MED27: variants seen among roughly 807,000 people sequenced by gnomAD.
The protein encoded by MED27 is mediator complex subunit 27.
Under a neutral mutation model 38.2 loss-of-function variants are expected in MED27, and 30 were observed. The observed-to-expected ratio is 0.79, with a 90% confidence interval of 0.59 to 1.07. MED27 has a LOEUF of 1.07. MED27 is among the 50% of genes least tolerant of loss of function. The pLI is 0.00. For missense variants in MED27, 289 were observed against 397.5 expected, an observed-to-expected ratio of 0.73 and a Z score of 2.32; for synonymous variants, 122 against 153.5, an observed-to-expected ratio of 0.79 and a Z score of 1.52.
At chr9:132,014,200 A>G (rs1051821562) in intron 3 of MED27, 137 bp downstream of exon 3, 2 of 977,076 alleles carry the variant, frequency 2.0e-6, no homozygotes, top group African/African-American at 1.7e-5. Context: ...CAGGGTGAAA[A>G]AGTAAGACTC....
At chr9:131,981,782 G>A (rs1200105633) in intron 3 of MED27, among the ~76,000 whole-genome samples, 2 of 152,174 alleles carry the variant, frequency 1.3e-5, no homozygotes, top group East Asian at 1.9e-4. Context: ...AGGGAGAGGG[G>A]GCACACGGCG....
chr9:131,893,305 G>A (rs567633810), intron 5 of MED27, among the ~76,000 whole-genome samples: 1 of 152,258 alleles, frequency 6.6e-6, no homozygotes, highest in Admixed American at 6.5e-5. Context: ...ATCCTCTGAT[G>A]CTCTCTGTGG....
At position 131,997,959 on chromosome 9, in the gene MED27, G is replaced by T. The variant is rs904761203; in HGVS notation, c.479+16378C>A. Among the ~76,000 whole-genome samples, 2 of 152,132 alleles carry T rather than the reference G, an allele frequency of 1.3e-5. No homozygotes were observed. The highest frequency in any genetic ancestry group is 2.4e-5 in the African/African-American group (1 of 41,422). On this transcript the variant is annotated intron_variant, in intron 3 of 7. Transcript: ENST00000292035. This position sits in a 1 kb window ranked among gnomAD's most constrained non-coding sequence, Gnocchi z 4.0. ...TTGAACTCTGAGTCTATAAATCTGG[G>T]CTCATTTGTAGAACAGAAATATCTG... is the stretch of plus-strand genomic sequence containing the variant.
chr9:131,983,655 C>T (rs1011811974), intron 3 of MED27, among the ~76,000 whole-genome samples: 2 of 152,120 alleles, frequency 1.3e-5, no homozygotes, highest in African/African-American at 4.8e-5. Flanking sequence ...TTGAGACAAC[C>T]TTTCATTTTC....
rs762485089 is a variant in MED27, at chr9:131,997,439, A to C, written c.479+16898T>G. 2.6e-5 allele frequency among the ~76,000 whole-genome samples: 4 copies of C among 152,186 alleles called. No homozygotes were observed. The highest frequency in any genetic ancestry group is 4.4e-5 in the Non-Finnish European group (3 of 68,026). On this transcript the variant is annotated intron_variant, in intron 3 of 7. Coordinates refer to ENST00000292035, the MANE Select transcript of MED27 (RefSeq NM_004269.4). The surrounding 1 kb of genome is among the most constrained non-coding windows in gnomAD (Gnocchi z 4.0). ...CCTGCATATGGTGACTGAGTGAGGC[A>C]GGGGTACAAAGGCCCAGACTTTTGG...
intron 3 of MED27, among the ~76,000 whole-genome samples, chr9:131,953,616 TA>T (rs1831039708): frequency 6.6e-6 from 1 of 151,992 alleles, no homozygotes; most frequent in Admixed American, 6.5e-5. Context: ...TTAAGAATAT[TA>T]AAAATACTAT....
At chr9:132,009,508 T>C (rs923991705) in intron 3 of MED27, among the ~76,000 whole-genome samples, 2 of 152,116 alleles carry the variant, frequency 1.3e-5, no homozygotes, top group South Asian at 2.1e-4. Flanking sequence ...CCAGAAGCCA[T>C]GTCATGAGGA....
rs1194274797 is a variant in MED27 at position 131,907,766 on chromosome 9, A to C, written c.574-13774T>G. 2.7e-5 allele frequency among the ~76,000 whole-genome samples: 4 copies of C among 146,616 alleles called. 1 individual carries two copies. Among genetic ancestry groups the C allele is most frequent in the Non-Finnish European group, 5.9e-5 (4 of 67,246 alleles). ...CTGCCCGGCCGCCATCCCATCTAGGAATTGAGGAGCGCCTCTTCCCGGCCG... is the reference window on the plus strand; with the variant it reads ...CTGCCCGGCCGCCATCCCATCTAGGCATTGAGGAGCGCCTCTTCCCGGCCG... On this transcript the variant is annotated intron_variant, in intron 4 of 7. Transcript: ENST00000292035.
chr9:131,897,952 C>T (rs1214146630), intron 4 of MED27, among the ~76,000 whole-genome samples: 1 of 152,108 alleles, frequency 6.6e-6, no homozygotes, highest in East Asian at 1.9e-4. Flanking sequence ...CCCCATGTCC[C>T]CATTTTATGT....
chr9:131,870,374 C>G (rs1156278871), intron 6 of MED27, among the ~76,000 whole-genome samples: 2 of 152,308 alleles, frequency 1.3e-5, no homozygotes, highest in South Asian at 4.1e-4. Context: ...ATACAGACCT[C>G]AAGTGTACGA....
rs1838651863 is a variant in MED27, at chr9:131,861,543, T to C, written c.802-871A>G. Among the ~76,000 whole-genome samples, 1 of 152,212 alleles carries C rather than the reference T, an allele frequency of 6.6e-6. No individual in the cohort carries two copies. The highest frequency in any genetic ancestry group is 2.1e-4 in the South Asian group (1 of 4,834). Reference sequence around the variant, plus strand: ...GTGACAGGGCATGGCCCATCAGTACTGTCCCCCTTTCCAAAGGCCAGGTGT... The same window carrying C: ...GTGACAGGGCATGGCCCATCAGTACCGTCCCCCTTTCCAAAGGCCAGGTGT... On this transcript the variant is annotated intron_variant, in intron 7 of 7. Coordinates refer to ENST00000292035, the MANE Select transcript of MED27 (RefSeq NM_004269.4). This position sits in a 1 kb window ranked among gnomAD's most constrained non-coding sequence, Gnocchi z 4.4.
In MED27 at chr9:131,889,967, C is replaced by T. The variant is rs1839202159; in HGVS notation, c.681+3918G>A. ...GGAGCAGCGACGTCTCCAGCAACAACGTGCTCTTGTAGAACACATGTCAGG... is the reference window on the plus strand; with the variant it reads ...GGAGCAGCGACGTCTCCAGCAACAATGTGCTCTTGTAGAACACATGTCAGG... On this transcript the variant is annotated intron_variant, in intron 5 of 7. Coordinates refer to ENST00000292035, the MANE Select transcript of MED27 (RefSeq NM_004269.4). This position sits in a 1 kb window ranked among gnomAD's most constrained non-coding sequence, Gnocchi z 4.2. 6.6e-6 allele frequency among the ~76,000 whole-genome samples: 1 copy of T among 152,192 alleles called. No individual in the cohort carries two copies. The highest frequency in any genetic ancestry group is 2.1e-4 in the South Asian group (1 of 4,834).
intron 2 of MED27, among the ~76,000 whole-genome samples, chr9:132,057,585 C>G (rs1389410025): frequency 6.6e-6 from 1 of 152,214 alleles, no homozygotes; most frequent in Non-Finnish European, 1.5e-5. Flanking sequence ...TTAGTGGGAC[C>G]TCCTTAAACT....
chr9:131,959,884 A>G (rs1170451044), intron 3 of MED27, among the ~76,000 whole-genome samples: 1 of 152,194 alleles, frequency 6.6e-6, no homozygotes, highest in Admixed American at 6.5e-5. Flanking sequence ...AGGGGGGCCC[A>G]TTACTAGAAA....
At chr9:132,011,103 T>G (rs79851507) in intron 3 of MED27, among the ~76,000 whole-genome samples, 4,468 of 152,258 alleles carry the variant, frequency 0.029, 215 homozygotes, top group African/African-American at 0.097. Flanking sequence ...CAAATTTGAA[T>G]AGTCCATAGA....
intron 6 of MED27, among the ~76,000 whole-genome samples, chr9:131,864,175 C>T (rs1341624000): frequency 1.3e-5 from 2 of 152,170 alleles, no homozygotes; most frequent in East Asian, 1.9e-4. Flanking sequence ...TGACATCGCA[C>T]ATGTCATCAT....
At chr9:132,007,332 G>C (rs972031510) in intron 3 of MED27, among the ~76,000 whole-genome samples, 2 of 152,214 alleles carry the variant, frequency 1.3e-5, no homozygotes, top group Non-Finnish European at 2.9e-5. Context: ...AATGGCACCA[G>C]TAAGCTCCAA....
rs560688513 is a variant in MED27, at chr9:131,999,133, T to C, written c.479+15204A>G. Among the ~76,000 whole-genome samples, 5 of 152,166 alleles carry C rather than the reference T, an allele frequency of 3.3e-5. No individual in the cohort carries two copies. In the South Asian group the frequency reaches 1.0e-3, roughly 31 times the overall value. On this transcript the variant is annotated intron_variant, in intron 3 of 7. Transcript: ENST00000292035. ...AGTACCCAGCAAATCGAACTCCCTG[T>C]GTGGGGACCTGAAGCTGCAAAGAAA... is the stretch of plus-strand genomic sequence containing the variant.
chr9:132,004,633 G>T (rs1832316715), intron 3 of MED27, among the ~76,000 whole-genome samples: 1 of 152,134 alleles, frequency 6.6e-6, no homozygotes, highest in Admixed American at 6.5e-5. Context: ...TGCAGGAAGG[G>T]TTGCCACTGC....
Sources: gnomAD v4.1 joint callset for allele counts (sites outside exome capture counted in the v4.1 genomes callset) on GRCh38, gnomAD v4.1.1 for gene constraint, Gnocchi (gnomAD v3.1) non-coding constraint, MANE v1.5 for transcripts, NCBI Gene and HGNC (gene_info 2026-07-23, HGNC 2026-07-21) for gene names.